PCDH19: variants seen among roughly 807,000 people sequenced by gnomAD.
PCDH19 encodes the protein protocadherin 19, also known as protocadherin-19.
Under a neutral mutation model 46.2 loss-of-function variants are expected in PCDH19, and 6 were observed. The ratio of observed to expected loss-of-function variants is 0.13; its 90% CI spans 0.07 to 0.26. The LOEUF (loss-of-function observed/expected upper bound fraction) is 0.26, where lower values mean the gene tolerates loss of function less well. Among genes scored for constraint, PCDH19 ranks in the 10% least tolerant of loss-of-function variants. PCDH19 has a pLI of 1.00. For missense variants in PCDH19, 740 were observed against 972.3 expected, an observed-to-expected ratio of 0.76 and a Z score of 3.18; for synonymous variants, 481 against 415.7, an observed-to-expected ratio of 1.16 and a Z score of -1.91.
chrX:100,307,053 G>A (rs1477198335), intron 5 of PCDH19, among the ~76,000 whole-genome samples: 3 of 111,627 alleles, frequency 2.7e-5, no homozygotes, highest in African/African-American at 9.8e-5. Flanking sequence ...ATTCTATGAA[G>A]CCAGTGTCAT....
chrX:100,390,459 T>G (rs993625704), intron 3 of PCDH19, among the ~76,000 whole-genome samples: 1 of 111,141 alleles, frequency 9.0e-6, no homozygotes, highest in Non-Finnish European at 1.9e-5. Flanking sequence ...CTGCATAGAG[T>G]TGATCCTACC....
At chrX:100,307,102 A>G (rs1400165275) in intron 5 of PCDH19, among the ~76,000 whole-genome samples, 4 of 111,788 alleles carry the variant, frequency 3.6e-5, no homozygotes, top group Admixed American at 9.5e-5. Flanking sequence ...ACAAAAAAAG[A>G]AAGCTACAGA....
rs771914526 is a variant in PCDH19 at position 100,322,080 on chromosome X, C to T, written c.2848+19823G>A. The stretch of plus-strand genomic sequence containing the variant: ...CTGGGATTACAGGTGTGAGCCACCG[C>T]GCCTGGCCTATCTTTGTTTTTATTG... On this transcript the variant is annotated intron_variant, in intron 5 of 5. Transcript: ENST00000373034. 7.3e-5 allele frequency among the ~76,000 whole-genome samples: 8 copies of T among 110,229 alleles called. No homozygotes were observed. In the East Asian group the frequency reaches 1.4e-3, roughly 20 times the overall value.
chrX:100,405,142 G>A (rs1338918155), intron 1 of PCDH19, among the ~76,000 whole-genome samples: 1 of 112,066 alleles, frequency 8.9e-6, no homozygotes, highest in Non-Finnish European at 1.9e-5. Flanking sequence ...CATATTCAGG[G>A]GGCTCTGATT....
chrX:100,338,452 G>A (rs1334277433), intron 5 of PCDH19, among the ~76,000 whole-genome samples: 1 of 105,512 alleles, frequency 9.5e-6, no homozygotes, highest in South Asian at 4.5e-4. Flanking sequence ...AACCCAGGAG[G>A]CAGAAGTTGC....
At chrX:100,300,336 C>G (rs1377810082) in intron 5 of PCDH19, among the ~76,000 whole-genome samples, 1 of 111,993 alleles carries the variant, frequency 8.9e-6, no homozygotes, top group East Asian at 2.8e-4. Flanking sequence ...TGCCAGTCCT[C>G]ATGTAGTATA....
chrX:100,300,996 T>C (rs1924761682), intron 5 of PCDH19, among the ~76,000 whole-genome samples: 1 of 108,809 alleles, frequency 9.2e-6, no homozygotes, highest in Admixed American at 9.9e-5. Flanking sequence ...GACTAAGTCA[T>C]GATAGATTAA....
chrX:100,334,584 T>C (rs892273838), intron 5 of PCDH19, among the ~76,000 whole-genome samples: 18 of 110,887 alleles, frequency 1.6e-4, no homozygotes, highest in Non-Finnish European at 3.8e-5. Context: ...AGCCAGACCC[T>C]GGCCCCCACT....
intron 3 of PCDH19, among the ~76,000 whole-genome samples, chrX:100,364,058 A>C (rs1036299165): frequency 5.4e-5 from 6 of 111,427 alleles, no homozygotes; most frequent in African/African-American, 2.0e-4. Flanking sequence ...TTGAACTGTC[A>C]CAGAGTACCC....
At chrX:100,307,348 C>A (rs1468701004) in intron 5 of PCDH19, among the ~76,000 whole-genome samples, 1 of 111,718 alleles carries the variant, frequency 9.0e-6, no homozygotes, top group East Asian at 2.8e-4. Context: ...TCCAGTATCC[C>A]TTTATGATTA....
intron 3 of PCDH19, among the ~76,000 whole-genome samples, chrX:100,366,190 C>T (rs1927066704): frequency 1.8e-5 from 2 of 112,021 alleles, no homozygotes; most frequent in Admixed American, 1.9e-4. Flanking sequence ...TTTATAATTG[C>T]TAGAGATAAA....
chrX:100,353,471 C>T (rs951412901), intron 3 of PCDH19, among the ~76,000 whole-genome samples: 3 of 111,808 alleles, frequency 2.7e-5, no homozygotes, highest in Non-Finnish European at 5.6e-5. Flanking sequence ...GTGCCAGAGC[C>T]ACGTGTTCAG....
At chrX:100,365,352 A>G (rs1927039768) in intron 3 of PCDH19, among the ~76,000 whole-genome samples, 1 of 111,764 alleles carries the variant, frequency 8.9e-6, no homozygotes, top group South Asian at 3.7e-4. Context: ...CTAAATTTAT[A>G]AACAGTAGAA....
chrX:100,330,354 A>G (rs1925838990), intron 5 of PCDH19, among the ~76,000 whole-genome samples: 1 of 112,406 alleles, frequency 8.9e-6, no homozygotes, highest in African/African-American at 3.2e-5. Context: ...AAGTTGTCAA[A>G]CATTTATTAT....
chrX:100,400,110 AAC>A (rs1490708383), intron 3 of PCDH19, among the ~76,000 whole-genome samples: 1 of 111,602 alleles, frequency 9.0e-6, no homozygotes, highest in Non-Finnish European at 1.9e-5. Context: ...CTCCACAAGT[AAC>A]AGTGCCGTTA....
At position 100,292,947 on chromosome X, in the gene PCDH19, TAA is replaced by T. The variant is rs890752532; in HGVS notation, c.*3328_*3329del. The stretch of plus-strand genomic sequence containing the variant: ...CCAGAACTGCTATTATGTACAATAA[TAA>T]TCCTTTTCCACTCTGGATGCCCAAT... On this transcript the variant is annotated 3_prime_UTR_variant, in exon 6 of 6. Transcript: ENST00000373034. 9.0e-6 allele frequency: 1 copy of T among 111,676 alleles called. No individual in the cohort carries two copies. Among genetic ancestry groups the T allele is most frequent in the African/African-American group, 3.3e-5 (1 of 30,727 alleles). The allele number at this position is 111,676 out of a possible 1,213,427, so 9.2% of individuals were successfully genotyped here.
chrX:100,375,664 C>T (rs777896439), intron 3 of PCDH19, among the ~76,000 whole-genome samples: 7 of 111,715 alleles, frequency 6.3e-5, no homozygotes, highest in Non-Finnish European at 9.4e-5. Flanking sequence ...CTTGAGGAAT[C>T]GCCACAATGT....
intron 1 of PCDH19, among the ~76,000 whole-genome samples, chrX:100,404,622 T>C (rs1318943113): frequency 9.1e-6 from 1 of 109,666 alleles, no homozygotes; most frequent in Non-Finnish European, 1.9e-5. Context: ...CTTTTTTTTT[T>C]TTTTCAATAT....
intron 5 of PCDH19, among the ~76,000 whole-genome samples, chrX:100,340,671 A>T: frequency 8.9e-6 from 1 of 112,101 alleles, no homozygotes; most frequent in East Asian, 2.8e-4. Context: ...CTCTCTATAT[A>T]ATAGACTTTG....
Sources: allele counts gnomAD v4.1 joint callset (sites outside exome capture counted in the v4.1 genomes callset), GRCh38; gene constraint gnomAD v4.1.1; transcripts MANE v1.5; gene names NCBI Gene and HGNC (gene_info 2026-07-23, HGNC 2026-07-21).